Variants in RABGEF1 observed in about 807,000 individuals in gnomAD.
RABGEF1 encodes the protein rab5 GDP/GTP exchange factor.
Under a neutral mutation model 57.3 loss-of-function variants are expected in RABGEF1, and 26 were observed. The observed-to-expected ratio is 0.45, with a 90% CI of 0.33 to 0.63. RABGEF1 has a LOEUF of 0.63. Among genes scored for constraint, RABGEF1 ranks in the 20% least tolerant of loss-of-function variants. The pLI, the probability that RABGEF1 is intolerant of heterozygous loss-of-function variation, is 0.02. For missense variants in RABGEF1, 464 were observed against 607.6 expected, an observed-to-expected ratio of 0.76 and a Z score of 2.48; for synonymous variants, 185 against 210.7, an observed-to-expected ratio of 0.88 and a Z score of 1.06.
chr7:66,682,135 G>C (rs1302697945), upstream of RABGEF1: 11 of 168,022 alleles, frequency 6.5e-5, no homozygotes, highest in African/African-American at 2.2e-4. Flanking sequence ...AGCAGGGGGT[G>C]TGTGTGAGGC....
intron 1 of RABGEF1, among the ~76,000 whole-genome samples, chr7:66,768,595 C>T (rs1033284889): frequency 6.6e-5 from 10 of 152,250 alleles, no homozygotes; most frequent in Admixed American, 5.9e-4. Context: ...AATGTCAGTT[C>T]ATTGTTCAGA....
intron 1 of RABGEF1, among the ~76,000 whole-genome samples, chr7:66,741,247 C>A (rs1250719306): frequency 6.6e-6 from 1 of 152,210 alleles, no homozygotes; most frequent in East Asian, 1.9e-4. Flanking sequence ...ACCCAGACCA[C>A]AGCCCCCGGC....
In RABGEF1 at chr7:66,787,972, T is replaced by C. The variant is rs1811603166; in HGVS notation, c.513+4131T>C. Among the ~76,000 whole-genome samples, 5 of 152,340 alleles carry C rather than the reference T, an allele frequency of 3.3e-5. No individual in the cohort carries two copies. In the South Asian group the frequency reaches 8.3e-4, roughly 25 times the overall value. On this transcript the variant is annotated intron_variant, in intron 4 of 8. Coordinates refer to ENST00000284957, the MANE Select transcript of RABGEF1 (RefSeq NM_014504.3). ...ATTAAATAAAAGTAAATAAAACTTC[T>C]GGAAAAACTCTTTTGCTGCTCAAAC...
chr7:66,659,493 C>T, the RABGEF1 span, among the ~76,000 whole-genome samples: 1 of 151,430 alleles, frequency 6.6e-6, no homozygotes, highest in Non-Finnish European at 1.5e-5. Context: ...AAACACTGCC[C>T]AACTGGCTGG....
the RABGEF1 span, among the ~76,000 whole-genome samples, chr7:66,656,569 C>A: frequency 2.0e-5 from 3 of 152,068 alleles, no homozygotes; most frequent in Non-Finnish European, 2.9e-5. Context: ...TGCCTGTAAT[C>A]CCAGCACTTT....
At chr7:66,748,330 G>A (rs951320611) in intron 1 of RABGEF1, among the ~76,000 whole-genome samples, 1 of 152,146 alleles carries the variant, frequency 6.6e-6, no homozygotes, top group Admixed American at 6.5e-5. Flanking sequence ...ATCTAGATGA[G>A]TAGGTGGATT....
At chr7:66,692,269 C>CT (rs1168670128) in intron 1 of RABGEF1, among the ~76,000 whole-genome samples, 1 of 152,220 alleles carries the variant, frequency 6.6e-6, no homozygotes, top group Admixed American at 6.5e-5. Context: ...CACTGGGCCT[C>CT]TGCTGCTCAT....
intron 2 of RABGEF1, among the ~76,000 whole-genome samples, chr7:66,718,222 G>A (rs1795621315): frequency 2.6e-5 from 4 of 152,132 alleles, no homozygotes; most frequent in Admixed American, 2.6e-4. Flanking sequence ...GTGCACATCT[G>A]TAATCCCAGC....
At chr7:66,667,836 C>T in the RABGEF1 span, among the ~76,000 whole-genome samples, 7 of 152,132 alleles carry the variant, frequency 4.6e-5, no homozygotes, top group South Asian at 2.1e-4. Flanking sequence ...CTTGCTCTGT[C>T]GCCCAGGCTG....
chr7:66,775,558 A>G (rs1054660861), intron 3 of RABGEF1, among the ~76,000 whole-genome samples, 165 bp downstream of exon 3: 12 of 152,194 alleles, frequency 7.9e-5, no homozygotes, highest in Admixed American at 3.9e-4. Context: ...TATGAAATCA[A>G]TACTCTCTTT....
At chr7:66,665,953 G>T in the RABGEF1 span, among the ~76,000 whole-genome samples, 1 of 152,246 alleles carries the variant, frequency 6.6e-6, no homozygotes. Flanking sequence ...GTCAAGGAAG[G>T]CTTCTTGGAG....
chr7:66,691,878 A>G (rs1000111166), intron 1 of RABGEF1, among the ~76,000 whole-genome samples: 5 of 151,768 alleles, frequency 3.3e-5, no homozygotes, highest in Admixed American at 3.3e-4. Context: ...ATGTAGCAAG[A>G]TCCCATTTCT....
intron 8 of RABGEF1, among the ~76,000 whole-genome samples, chr7:66,808,647 T>C (rs1789004962): frequency 6.6e-6 from 1 of 152,164 alleles, no homozygotes; most frequent in Admixed American, 6.5e-5. Flanking sequence ...AATGGCTTCA[T>C]GGTGCACCTG....
intron 1 of RABGEF1, among the ~76,000 whole-genome samples, chr7:66,759,378 A>G (rs1419865960): frequency 6.6e-6 from 1 of 152,218 alleles, no homozygotes; most frequent in Non-Finnish European, 1.5e-5. Flanking sequence ...GGATGTGCTT[A>G]CTTCCCCAGC....
chr7:66,694,612 G>A lies in RABGEF1; in HGVS notation c.-873+12354G>A, dbSNP rs185884152. On this transcript the variant is annotated intron_variant and NMD_transcript_variant, in intron 1 of 9. Coordinates refer to the RABGEF1 transcript ENST00000607882. Reference sequence around the variant, plus strand: ...ATGGAGAACCAGCTGGAGGGGCAGGGCCCAGGAGCTAGTGACGTGGATGTC... The same window carrying A: ...ATGGAGAACCAGCTGGAGGGGCAGGACCCAGGAGCTAGTGACGTGGATGTC... Among the ~76,000 whole-genome samples, 21 of 152,358 alleles carry A rather than the reference G, an allele frequency of 1.4e-4. No homozygotes were observed. The South Asian group carries it at 4.3e-3, about 32-fold the overall frequency.
intron 1 of RABGEF1, among the ~76,000 whole-genome samples, chr7:66,708,573 G>A (rs897275159): frequency 6.6e-6 from 1 of 152,162 alleles, no homozygotes; most frequent in Admixed American, 6.5e-5. Context: ...ACAGGCGTGA[G>A]CCACCGCCCC....
At chr7:66,789,665 G>C (rs535569516) in intron 4 of RABGEF1, among the ~76,000 whole-genome samples, 3 of 126,988 alleles carry the variant, frequency 2.4e-5, no homozygotes, top group Admixed American at 9.6e-5. Flanking sequence ...CCTCAGCATC[G>C]GAGCGAGACT....
chr7:66,761,004 C>T (rs1289709445), intron 1 of RABGEF1, among the ~76,000 whole-genome samples: 1 of 152,136 alleles, frequency 6.6e-6, no homozygotes, highest in African/African-American at 2.4e-5. Flanking sequence ...TCTATGGTCT[C>T]TACAATAACC....
chr7:66,753,201 A>C lies in RABGEF1; in HGVS notation c.-18+12409A>C, dbSNP rs542845843. Among the ~76,000 whole-genome samples, 67 of 152,304 alleles carry C rather than the reference A, an allele frequency of 4.4e-4. 1 individual carries two copies. The highest frequency in any genetic ancestry group is 1.6e-3 in the African/African-American group (67 of 41,574). On this transcript the variant is annotated intron_variant, in intron 1 of 8. Transcript: ENST00000284957. ...GAAGGGTATTCTAAGTGGGTTCATA[A>C]ATAGGATGACCATGTAACTTATTAT...
Sources: allele counts gnomAD v4.1 joint callset (sites outside exome capture counted in the v4.1 genomes callset), GRCh38; gene constraint gnomAD v4.1.1; transcripts MANE v1.5; gene names NCBI Gene and HGNC (gene_info 2026-07-23, HGNC 2026-07-21).